GPC4: variants seen among roughly 807,000 people sequenced by gnomAD.
The protein encoded by GPC4 is glypican 4.
GPC4 carries 10 observed loss-of-function variants against 35.0 expected under a neutral mutation model. The ratio of observed to expected loss-of-function variants is 0.29; its 90% CI spans 0.18 to 0.48. The LOEUF (loss-of-function observed/expected upper bound fraction) is 0.48, where lower values mean the gene tolerates loss of function less well. Among genes scored for constraint, GPC4 ranks in the 20% least tolerant of loss-of-function variants. The pLI is 0.99. For missense variants in GPC4, 322 were observed against 451.3 expected (o/e 0.71, Z 2.60); for synonymous variants, 167 against 170.2 (o/e 0.98, Z 0.15).
intron 1 of GPC4, among the ~76,000 whole-genome samples, chrX:133,362,184 A>G (rs1269948951): frequency 1.9e-5 from 2 of 107,844 alleles, no homozygotes. Context: ...ACTGCACTCC[A>G]GCCTGGGTGA....
At chrX:133,380,154 C>T (rs1471235994) in intron 1 of GPC4, among the ~76,000 whole-genome samples, 6 of 110,263 alleles carry the variant, frequency 5.4e-5, no homozygotes, top group African/African-American at 1.3e-4. Context: ...CTGGCTAAGA[C>T]GGCAAAACCC....
At chrX:133,319,566 C>CT (rs1238119012) in intron 3 of GPC4, among the ~76,000 whole-genome samples, 2 of 105,388 alleles carry the variant, frequency 1.9e-5, no homozygotes, top group African/African-American at 3.5e-5. Flanking sequence ...TTTGAAAGGT[C>CT]TTTTTTTCAG....
intron 4 of GPC4, among the ~76,000 whole-genome samples, chrX:133,309,346 C>A (rs912893158): frequency 4.1e-4 from 46 of 112,299 alleles, no homozygotes; most frequent in Admixed American, 7.6e-4. Flanking sequence ...CCAACAAGAA[C>A]AACAACAGCA....
intron 3 of GPC4, among the ~76,000 whole-genome samples, chrX:133,312,648 AGAAAGGAAGAAGGAAAGGAAAG>A (rs1212676380): frequency 1.1e-5 from 1 of 87,596 alleles, no homozygotes; most frequent in East Asian, 3.6e-4. Flanking sequence ...AAAGAAAGGA[AGAAAGGAAGAAGGAAAGGAAAG>A]GAAAGGAAGA....
chrX:133,409,886 AT>A (rs776773658), intron 1 of GPC4, among the ~76,000 whole-genome samples: 183 of 111,480 alleles, frequency 1.6e-3, no homozygotes, highest in Non-Finnish European at 2.6e-3. Flanking sequence ...GTTAAGAACT[AT>A]TTAAAAAGAG....
chrX:133,364,886 A>G (rs1437929373), intron 1 of GPC4, among the ~76,000 whole-genome samples: 2 of 112,239 alleles, frequency 1.8e-5, no homozygotes, highest in East Asian at 2.8e-4. Context: ...GTTTCATTCT[A>G]TATCAAGATG....
At chrX:133,378,432 G>T (rs986511574) in intron 1 of GPC4, among the ~76,000 whole-genome samples, 2 of 108,298 alleles carry the variant, frequency 1.8e-5, no homozygotes, top group African/African-American at 6.7e-5. Context: ...CTAGCTGGGC[G>T]TGGTGGCGGG....
chrX:133,317,896 T>C (rs2068346358), intron 3 of GPC4, among the ~76,000 whole-genome samples: 1 of 111,986 alleles, frequency 8.9e-6, no homozygotes, highest in Non-Finnish European at 1.9e-5. Flanking sequence ...AAGTTCCTAA[T>C]GATTCCTCTA....
At position 133,315,315 on chromosome X, in the gene GPC4, C is replaced by A. The variant is rs1006403756; in HGVS notation, c.712-3892G>T. Among the ~76,000 whole-genome samples, 12 of 110,124 alleles carry A rather than the reference C, an allele frequency of 1.1e-4. 2 individuals are homozygous for A. Among genetic ancestry groups the A allele is most frequent in the Admixed American group, 9.7e-4 (10 of 10,263 alleles). ...TCTGCAACTTTAATTTAAGTTCTCTCGTGGAGCTTCTGGTGAAAGTCCAAG... is the reference window on the plus strand; with the variant it reads ...TCTGCAACTTTAATTTAAGTTCTCTAGTGGAGCTTCTGGTGAAAGTCCAAG... On this transcript the variant is annotated intron_variant, in intron 3 of 8. Coordinates refer to ENST00000370828, the MANE Select transcript of GPC4 (RefSeq NM_001448.3).
At chrX:133,391,066 A>G (rs1320778498) in intron 1 of GPC4, among the ~76,000 whole-genome samples, 1 of 112,341 alleles carries the variant, frequency 8.9e-6, no homozygotes, top group Non-Finnish European at 1.9e-5. Flanking sequence ...GAACTTCTGA[A>G]AAGGTCAGTA....
chrX:133,352,975 A>C (rs1286886243), intron 1 of GPC4, among the ~76,000 whole-genome samples: 1 of 112,099 alleles, frequency 8.9e-6, no homozygotes, highest in African/African-American at 3.2e-5. Flanking sequence ...GACATAAAAA[A>C]ATTTACTTCC....
At chrX:133,400,909 AG>A (rs1365634569) in intron 1 of GPC4, among the ~76,000 whole-genome samples, 1 of 1,409 alleles carries the variant, frequency 7.1e-4, no homozygotes, top group Non-Finnish European at 1.5e-3. Context: ...GTGTGTCTGC[AG>A]GGGGTGGGGG....
chrX:133,330,185 A>G (rs765614720), intron 2 of GPC4, among the ~76,000 whole-genome samples: 1 of 111,293 alleles, frequency 9.0e-6, no homozygotes, highest in East Asian at 2.8e-4. Context: ...TTTTACATAT[A>G]AGGATTGATT....
chrX:133,415,363 G>C lies in GPC4; in HGVS notation c.-398C>G, dbSNP rs944629608. On this transcript the variant is annotated 5_prime_UTR_variant, in exon 1 of 9. Coordinates refer to ENST00000370828, the MANE Select transcript of GPC4 (RefSeq NM_001448.3). ...GGGGACCGCAGAGGGTGTGGGCGGC[G>C]GCGGGCGTTCGCTGCGCGCTGCTTG... 1 of 165,295 alleles carries C rather than the reference G, an allele frequency of 6.0e-6. No individual in the cohort carries two copies. Among genetic ancestry groups the C allele is most frequent in the Non-Finnish European group, 1.1e-5 (1 of 89,727 alleles). The allele number at this position is 165,295 out of a possible 1,213,427, so 13.6% of individuals were successfully genotyped here.
At chrX:133,389,540 G>A (rs1224066792) in intron 1 of GPC4, among the ~76,000 whole-genome samples, 1 of 111,489 alleles carries the variant, frequency 9.0e-6, no homozygotes, top group Non-Finnish European at 1.9e-5. Context: ...AATTAGGGAG[G>A]GCAAAATTTA....
chrX:133,302,604 A>C lies in GPC4; in HGVS notation c.*263T>G, dbSNP rs987677197. 1 of 301,120 alleles carries C rather than the reference A, an allele frequency of 3.3e-6. No homozygotes were observed. Among genetic ancestry groups the C allele is most frequent in the Admixed American group, 5.6e-5 (1 of 17,764 alleles). 24.8% of individuals were successfully genotyped at this position (301,120 alleles called of 1,213,427 possible). ...AATAGAGTGATAAAATCACAAATGCACAACTAACTATAGTTCTGTACCTAC... is the reference window on the plus strand; with the variant it reads ...AATAGAGTGATAAAATCACAAATGCCCAACTAACTATAGTTCTGTACCTAC... On this transcript the variant is annotated 3_prime_UTR_variant, in exon 9 of 9. Transcript: ENST00000370828.
intron 1 of GPC4, among the ~76,000 whole-genome samples, chrX:133,387,087 T>C (rs1603091853): frequency 1.8e-5 from 2 of 112,044 alleles, no homozygotes; most frequent in African/African-American, 6.5e-5. Context: ...TGTGCTGACA[T>C]GGGATTCAAC....
chrX:133,314,009 CAAT>C (rs950853661), intron 3 of GPC4, among the ~76,000 whole-genome samples: 2 of 112,120 alleles, frequency 1.8e-5, no homozygotes, highest in South Asian at 3.8e-4. Flanking sequence ...TAAGAGGAGA[CAAT>C]GCCCTCGTAA....
chrX:133,340,011 G>T (rs1417472716), intron 1 of GPC4, among the ~76,000 whole-genome samples: 1 of 111,224 alleles, frequency 9.0e-6, no homozygotes, highest in African/African-American at 3.3e-5. Context: ...CTATGATTCT[G>T]TGTATGTAGC....
Sources: allele counts gnomAD v4.1 joint callset (sites outside exome capture counted in the v4.1 genomes callset), GRCh38; gene constraint gnomAD v4.1.1; transcripts MANE v1.5; gene names NCBI Gene and HGNC (gene_info 2026-07-23, HGNC 2026-07-21).